The following PDS5B variants were observed in gnomAD, a reference collection of about 807,000 sequenced individuals.
PDS5B encodes the protein PDS5 cohesin associated factor B.
Under a neutral mutation model 184.1 loss-of-function variants are expected in PDS5B, and 51 were observed. The ratio of observed to expected loss-of-function variants is 0.28; its 90% CI spans 0.22 to 0.35. The LOEUF (loss-of-function observed/expected upper bound fraction) is 0.35. Ranked by LOEUF, PDS5B falls within the 10% of genes least tolerant of loss-of-function variation. The pLI is 1.00. For synonymous variants in PDS5B, 566 were observed against 569.2 expected (o/e 0.99, Z 0.08); for missense variants, 1,180 against 1,723.3 (o/e 0.68, Z 5.58).
intron 1 of PDS5B, among the ~76,000 whole-genome samples, chr13:32,600,681 G>T (rs1055890733): frequency 3.3e-5 from 5 of 152,226 alleles, no homozygotes; most frequent in Non-Finnish European, 5.9e-5. Context: ...AGAGGTTGCA[G>T]TGAGCCGAGA....
At chr13:32,643,579 G>C (rs1419278332) in intron 1 of PDS5B, among the ~76,000 whole-genome samples, 1 of 151,926 alleles carries the variant, frequency 6.6e-6, no homozygotes, top group Non-Finnish European at 1.5e-5. Flanking sequence ...ATATGATGGT[G>C]GTTCCATAAG....
intron 3 of PDS5B, among the ~76,000 whole-genome samples, chr13:32,656,422 T>TGG (rs1332005190): frequency 6.6e-6 from 1 of 151,900 alleles, no homozygotes; most frequent in Non-Finnish European, 1.5e-5. Flanking sequence ...TAAATTGCTT[T>TGG]GGACAGCATG....
At chr13:32,668,864 A>C (rs1245473929) in intron 7 of PDS5B, among the ~76,000 whole-genome samples, 3 of 152,210 alleles carry the variant, frequency 2.0e-5, no homozygotes, top group African/African-American at 7.2e-5. Context: ...ACAGTAACTT[A>C]ATAAATTCCA....
chr13:32,679,070 C>A, intron 10 of PDS5B, 141 bp downstream of exon 10: 1 of 470,744 alleles, frequency 2.1e-6, no homozygotes, highest in Middle Eastern at 5.4e-4. Flanking sequence ...AAGTTGTTCT[C>A]TGAAGCTAGA....
At chr13:32,677,131 A>G (rs1157086456) in intron 9 of PDS5B, among the ~76,000 whole-genome samples, 2 of 152,076 alleles carry the variant, frequency 1.3e-5, no homozygotes, top group Non-Finnish European at 2.9e-5. Flanking sequence ...GTTAAGCTTC[A>G]GATCTCCAGT....
At position 32,673,288 on chromosome 13, in the gene PDS5B, T is replaced by G. The variant is rs758392202; in HGVS notation, c.778T>G (p.Leu260Val). The change falls in exon 8 of 35, where the codon TTG (leucine) becomes GTG (valine). Residue 260 changes from leucine (L) to valine (V), a missense_variant. This residue lies in a region of PDS5B where 79 missense variants were observed against 124.6 expected (regional missense o/e 0.63). Coordinates refer to ENST00000315596, the MANE Select transcript of PDS5B (RefSeq NM_015032.4). The stretch of plus-strand genomic sequence containing the variant: ...GTCAGAGCATGTCTTTGACTTAATT[T>G]TGGAGCTCTACAATATTGATAGTCA... ...DLSEHVFDLI[L>V]ELYNIDSHLL... 6.2e-7 allele frequency: 1 copy of G among 1,613,282 alleles called. No individual in the cohort carries two copies. The highest frequency in any genetic ancestry group is 8.5e-7 in the Non-Finnish European group (1 of 1,179,414).
chr13:32,775,557 A>G lies in PDS5B; in HGVS notation c.*505A>G, dbSNP rs762780977. 1.4e-4 allele frequency: 57 copies of G among 409,212 alleles called. No homozygotes were observed. The highest frequency in any genetic ancestry group is 2.3e-4 in the Non-Finnish European group (48 of 206,392). The allele number at this position is 409,212 out of a possible 1,614,324, so 25.3% of individuals were successfully genotyped here. On this transcript the variant is annotated 3_prime_UTR_variant, in exon 35 of 35. Transcript: ENST00000315596. Reference sequence around the variant, plus strand: ...ATGTCACTATTTGTTGGAGAGTTAAATGGTCTCTTCCCTTTGTGTATCTTA... The same window carrying G: ...ATGTCACTATTTGTTGGAGAGTTAAGTGGTCTCTTCCCTTTGTGTATCTTA...
At chr13:32,658,660 T>C (rs1950574169) in intron 5 of PDS5B, 129 bp downstream of exon 5, 1 of 554,246 alleles carries the variant, frequency 1.8e-6, no homozygotes, top group South Asian at 2.7e-5. Context: ...CACACTTTAT[T>C]TTTATACATG....
At chr13:32,640,780 T>C (rs111829930) in intron 1 of PDS5B, among the ~76,000 whole-genome samples, 1,569 of 149,720 alleles carry the variant, frequency 0.01, 38 homozygotes, top group African/African-American at 0.036. Context: ...GTTGGCCAGG[T>C]GTGGTGGCTC....
At chr13:32,722,028 C>T (rs1283664131) in intron 19 of PDS5B, among the ~76,000 whole-genome samples, 4 of 152,186 alleles carry the variant, frequency 2.6e-5, no homozygotes, top group South Asian at 2.1e-4. Context: ...GAGGTTGTAG[C>T]GAGCCGAGAT....
intron 22 of PDS5B, among the ~76,000 whole-genome samples, chr13:32,741,956 C>CACTTACCAACTTACCAGTTGGTAGGCAT (rs1470568065): frequency 2.0e-5 from 3 of 152,098 alleles, no homozygotes; most frequent in Non-Finnish European, 2.9e-5. Context: ...GAAGGTAGGC[C>CACTTACCAACTTACCAGTTGGTAGGCAT]ACTTACCAAC....
Position 32,753,461 on chromosome 13 carries a change from G to A in PDS5B, c.2866G>A (p.Ala956Thr). 6.2e-7 allele frequency: 1 copy of A among 1,613,920 alleles called. No individual in the cohort carries two copies. The highest frequency in any genetic ancestry group is 8.5e-7 in the Non-Finnish European group (1 of 1,179,844). ...CAKDPVKERR[A>T]HARQCLVKNI... is the part of the protein sequence containing the mutation. ...AAAAGATCCTGTAAAGGAGAGAAGA[G>A]CTCATGCTAGGCAATGTTTGGTGAA... Residue 956 changes from alanine (A) to threonine (T), a missense_variant, in exon 25 of 35, where the codon GCT (alanine) becomes ACT (threonine). Around this residue, in one of 11 missense-constraint regions of PDS5B, gnomAD observed 40 missense variants for 107.2 expected, o/e 0.37. Coordinates refer to ENST00000315596, the MANE Select transcript of PDS5B (RefSeq NM_015032.4).
intron 1 of PDS5B, among the ~76,000 whole-genome samples, chr13:32,604,890 G>A (rs766448114): frequency 6.6e-6 from 1 of 152,178 alleles, no homozygotes. Flanking sequence ...TCTGATGGTA[G>A]TTTGTATTTC....
At chr13:32,708,902 A>G (rs1952114377) in intron 18 of PDS5B, among the ~76,000 whole-genome samples, 2 of 152,132 alleles carry the variant, frequency 1.3e-5, no homozygotes, top group African/African-American at 4.8e-5. Context: ...GTAGTAACCA[A>G]GTGAATACAA....
chr13:32,631,521 C>G (rs2058455403), intron 1 of PDS5B, among the ~76,000 whole-genome samples: 1 of 152,122 alleles, frequency 6.6e-6, no homozygotes, highest in South Asian at 2.1e-4. Context: ...GTTATATTCC[C>G]CAGTCAACAG....
chr13:32,707,837 C>T (rs1168750120), intron 18 of PDS5B, among the ~76,000 whole-genome samples: 1 of 151,372 alleles, frequency 6.6e-6, no homozygotes, highest in Non-Finnish European at 1.5e-5. Flanking sequence ...ATATTTGGGG[C>T]ATCATACTAT....
At chr13:32,717,052 G>A (rs1398091271) in intron 19 of PDS5B, among the ~76,000 whole-genome samples, 5 of 126,400 alleles carry the variant, frequency 4.0e-5, no homozygotes, top group African/African-American at 9.3e-5. Context: ...CAGCCGCCTC[G>A]TCCGGGAGGG....
At chr13:32,720,645 A>T (rs11841558) in intron 19 of PDS5B, among the ~76,000 whole-genome samples, 6,045 of 149,804 alleles carry the variant, frequency 0.04, 178 homozygotes, top group African/African-American at 0.067. Context: ...ATTTTTTTTT[A>T]AAATTTTTTT....
chr13:32,718,651 G>A (rs1001914060), intron 19 of PDS5B, among the ~76,000 whole-genome samples: 1 of 152,190 alleles, frequency 6.6e-6, no homozygotes, highest in African/African-American at 2.4e-5. Context: ...GTGTAATTAT[G>A]TAAGAATATA....
Sources: allele counts gnomAD v4.1 joint callset (sites outside exome capture counted in the v4.1 genomes callset), GRCh38; gene constraint gnomAD v4.1.1; regional missense constraint gnomAD v4.1.1; transcripts MANE v1.5; gene names NCBI Gene and HGNC (gene_info 2026-07-23, HGNC 2026-07-21).